TOX: variants seen among roughly 807,000 people sequenced by gnomAD.
The protein encoded by TOX is thymocyte selection associated high mobility group box, also known as thymocyte selection-associated high mobility group box protein TOX.
In TOX, 11 loss-of-function variants were observed where a neutral mutation model predicts 53.7. The ratio of observed to expected loss-of-function variants is 0.20; its 90% CI spans 0.13 to 0.34. The LOEUF (loss-of-function observed/expected upper bound fraction) is 0.34, where lower values mean the gene tolerates loss of function less well. Among genes scored for constraint, TOX ranks in the 10% least tolerant of loss-of-function variants. TOX has a pLI of 1.00. For synonymous variants in TOX, 225 were observed against 245.3 expected, an observed-to-expected ratio of 0.92 and a Z score of 0.77; for missense variants, 570 against 664.6, an observed-to-expected ratio of 0.86 and a Z score of 1.56.
intron 1 of TOX, among the ~76,000 whole-genome samples, chr8:58,986,816 T>A (rs1303760362): frequency 6.6e-6 from 1 of 152,166 alleles, no homozygotes; most frequent in African/African-American, 2.4e-5. Context: ...ACTGGCTGAC[T>A]TGAGTACAGA....
chr8:58,837,079 A>G (rs984039541), intron 5 of TOX, among the ~76,000 whole-genome samples: 19 of 152,196 alleles, frequency 1.2e-4, no homozygotes, highest in African/African-American at 4.6e-4. Context: ...AGATGTTAAT[A>G]TATAATATAA....
In TOX at chr8:59,119,010, C is replaced by CCTTTT; in HGVS notation, c.-28_-24dup. On this transcript the variant is annotated 5_prime_UTR_variant, in exon 1 of 9. Coordinates refer to ENST00000361421, the MANE Select transcript of TOX (RefSeq NM_014729.3). ...CATTTCACTCTCACATCAAGCAACT[C>CCTTTT]CTTTTCTTTTTCCTTTTTTAAAAAA... 6.5e-7 allele frequency: 1 copy of CCTTTT among 1,532,214 alleles called. No individual in the cohort carries two copies. Among genetic ancestry groups the CCTTTT allele is most frequent in the South Asian group, 1.1e-5 (1 of 88,778 alleles). The allele number at this position is 1,532,214 out of a possible 1,614,324, so 94.9% of individuals were successfully genotyped here.
At chr8:58,902,192 G>T (rs867388131) in intron 3 of TOX, among the ~76,000 whole-genome samples, 1 of 151,826 alleles carries the variant, frequency 6.6e-6, no homozygotes, top group East Asian at 1.9e-4. Context: ...CCTTAACTTG[G>T]TGTGTATATT....
At chr8:58,975,738 T>C (rs1248221925) in intron 1 of TOX, among the ~76,000 whole-genome samples, 2 of 151,708 alleles carry the variant, frequency 1.3e-5, no homozygotes, top group African/African-American at 4.8e-5. Flanking sequence ...TGATCAGGGG[T>C]GGTGGCTGCT....
At chr8:58,871,904 C>A (rs1241181968) in intron 3 of TOX, among the ~76,000 whole-genome samples, 1 of 152,044 alleles carries the variant, frequency 6.6e-6, no homozygotes, top group Non-Finnish European at 1.5e-5. Context: ...CCCTAATCTG[C>A]CAGTTAAGAG....
intron 5 of TOX, among the ~76,000 whole-genome samples, chr8:58,837,594 A>G (rs1810568573): frequency 1.3e-5 from 2 of 152,198 alleles, no homozygotes; most frequent in African/African-American, 4.8e-5. Flanking sequence ...TATGGTGTAA[A>G]TACATTTGGG....
intron 1 of TOX, among the ~76,000 whole-genome samples, chr8:59,057,504 C>T (rs1056017088): frequency 6.6e-6 from 1 of 152,018 alleles, no homozygotes; most frequent in African/African-American, 2.4e-5. Flanking sequence ...AATCCTCACC[C>T]CAAACACCTA....
At chr8:59,060,943 T>G (rs892131917) in intron 1 of TOX, among the ~76,000 whole-genome samples, 1 of 152,142 alleles carries the variant, frequency 6.6e-6, no homozygotes, top group Non-Finnish European at 1.5e-5. Flanking sequence ...AACGCTACTA[T>G]TGGGGGAAAA....
chr8:58,940,984 G>T lies in TOX; in HGVS notation c.169-1440C>A, dbSNP rs993949655. On this transcript the variant is annotated intron_variant, in intron 2 of 8. Coordinates refer to ENST00000361421, the MANE Select transcript of TOX (RefSeq NM_014729.3). ...AGCACATGTAGGTTAGAGACAGGGG[G>T]TGTATGAAGGGAAAAATTTGACTGT... Among the ~76,000 whole-genome samples the T allele has an allele frequency of 5.9e-5, 9 of 152,254 alleles. No homozygotes were observed. The East Asian group carries it at 1.7e-3, about 29-fold the overall frequency.
At chr8:59,055,416 G>T (rs184444325) in intron 1 of TOX, among the ~76,000 whole-genome samples, 13 of 152,144 alleles carry the variant, frequency 8.5e-5, no homozygotes, top group Non-Finnish European at 1.8e-4. Context: ...CTTCTGTTTG[G>T]CCTGTTAGCA....
At chr8:58,906,470 C>A (rs1240728355) in intron 3 of TOX, among the ~76,000 whole-genome samples, 1 of 152,168 alleles carries the variant, frequency 6.6e-6, no homozygotes, top group Non-Finnish European at 1.5e-5. Flanking sequence ...TTAATTGTAA[C>A]CCCATTTTAA....
rs116631376 is a variant in TOX at position 58,949,143 on chromosome 8, A to C, written c.169-9599T>G. Among the ~76,000 whole-genome samples the C allele has an allele frequency of 4.8e-3, 724 of 152,344 alleles. 2 individuals carry two copies. Among genetic ancestry groups the C allele is most frequent in the African/African-American group, 0.017 (700 of 41,582 alleles). ...AGGATATATCAGGATTAAATAAGAC[A>C]AATGAGATCATGTAAATACTTTGAG... is the stretch of plus-strand genomic sequence containing the variant. On this transcript the variant is annotated intron_variant, in intron 2 of 8. Coordinates refer to ENST00000361421, the MANE Select transcript of TOX (RefSeq NM_014729.3).
At chr8:59,072,571 T>C (rs1443478835) in intron 1 of TOX, among the ~76,000 whole-genome samples, 1 of 152,228 alleles carries the variant, frequency 6.6e-6, no homozygotes, top group Non-Finnish European at 1.5e-5. Context: ...AAATTGGTTA[T>C]TTAGTATCTT....
chr8:59,096,816 G>GA (rs1159918659), intron 1 of TOX, among the ~76,000 whole-genome samples: 2 of 152,106 alleles, frequency 1.3e-5, no homozygotes, highest in East Asian at 3.9e-4. Context: ...CTCTTTCTGT[G>GA]AAAAAAATCT....
At chr8:59,027,118 G>C (rs1027806176) in intron 1 of TOX, among the ~76,000 whole-genome samples, 2 of 152,130 alleles carry the variant, frequency 1.3e-5, no homozygotes, top group Non-Finnish European at 2.9e-5. Flanking sequence ...AACAGACTGG[G>C]TGCAATCTAC....
chr8:58,883,393 C>A (rs565056241), intron 3 of TOX, among the ~76,000 whole-genome samples: 1 of 152,212 alleles, frequency 6.6e-6, no homozygotes, highest in East Asian at 1.9e-4. Flanking sequence ...ATGTGGCCTA[C>A]TAAAACCTTA....
At chr8:58,965,906 T>G (rs532022631) in intron 1 of TOX, among the ~76,000 whole-genome samples, 2 of 131,098 alleles carry the variant, frequency 1.5e-5, no homozygotes, top group African/African-American at 5.6e-5. Flanking sequence ...TTTTTTTTTT[T>G]TTTTTTTTTT....
chr8:59,028,558 C>T (rs1814287513), intron 1 of TOX, among the ~76,000 whole-genome samples: 1 of 151,764 alleles, frequency 6.6e-6, no homozygotes, highest in Non-Finnish European at 1.5e-5. Flanking sequence ...TAGATAGATA[C>T]ATGCATACAT....
At chr8:58,921,050 C>T (rs1240728888) in intron 3 of TOX, among the ~76,000 whole-genome samples, 1 of 150,306 alleles carries the variant, frequency 6.7e-6, no homozygotes, top group East Asian at 2.0e-4. Context: ...CCTATCTTGC[C>T]TTATGTGGAG....
Sources: gnomAD v4.1 joint callset for allele counts (sites outside exome capture counted in the v4.1 genomes callset) on GRCh38, gnomAD v4.1.1 for gene constraint, MANE v1.5 for transcripts, NCBI Gene and HGNC (gene_info 2026-07-23, HGNC 2026-07-21) for gene names.